Variants in OTP observed in about 807,000 individuals in gnomAD.
OTP encodes orthopedia homeobox.
In OTP, 5 loss-of-function variants were observed where a neutral mutation model predicts 22.3. The ratio of observed to expected loss-of-function variants is 0.22; its 90% CI spans 0.12 to 0.47. OTP has a LOEUF of 0.47. OTP is among the 20% of genes least tolerant of loss of function. The probability of loss-of-function intolerance (pLI) is 0.99; values close to 1 mark genes in which losing one functional copy is unlikely to be tolerated. For missense variants in OTP, 428 were observed against 456.2 expected (o/e 0.94, Z 0.56); for synonymous variants, 229 against 210.6 (o/e 1.09, Z -0.76).
chr5:77,637,981 A>T (rs993094200), intron 1 of OTP, among the ~76,000 whole-genome samples: 1 of 152,074 alleles, frequency 6.6e-6, no homozygotes, highest in Non-Finnish European at 1.5e-5. Flanking sequence ...CTTGCAGAAG[A>T]GGGGGGGATG....
Position 77,637,149 on chromosome 5 carries a change from C to T in OTP, c.119G>A (p.Gly40Asp). The T allele has an allele frequency of 1.9e-6, 3 of 1,591,252 alleles. No individual in the cohort carries two copies. Among genetic ancestry groups the T allele is most frequent in the East Asian group, 2.3e-5 (1 of 43,978 alleles). ...GTTGGGCGCCAGGTCCCCCGGATGGCCCCCGGGGTCGGAGCCCCCCACGCC... is the reference window on the plus strand; with the variant it reads ...GTTGGGCGCCAGGTCCCCCGGATGGTCCCCGGGGTCGGAGCCCCCCACGCC... ...RLGVGGSDPG[G>D]HPGDLAPNSD... Residue 40 changes from glycine to aspartate, a missense_variant, in exon 2 of 3, where the codon GGC becomes GAC. By Grantham distance (94) the Gly-to-Asp change is moderately conservative (BLOSUM62 -1). This residue lies in a region of OTP where 176 missense variants were observed against 162.9 expected (regional missense o/e 1.08). Coordinates refer to ENST00000306422, the MANE Select transcript of OTP (RefSeq NM_032109.3).
At chr5:77,630,918 C>A (rs1196790383) in intron 2 of OTP, 124 bp from the exon 3 acceptor site, 6 of 1,123,558 alleles carry the variant, frequency 5.3e-6, no homozygotes, top group Admixed American at 6.2e-5. Context: ...GGAACAAGTG[C>A]CGTAGGCCCG....
At position 77,637,146 on chromosome 5, in the gene OTP, T is replaced by A; in HGVS notation, c.122A>T (p.His41Leu). ...LGVGGSDPGG[H>L]PGDLAPNSDP... is the part of the protein sequence containing the mutation. ...AGAGTTGGGCGCCAGGTCCCCCGGA[T>A]GGCCCCCGGGGTCGGAGCCCCCCAC... is the stretch of plus-strand genomic sequence containing the variant. The change falls in exon 2 of 3, where the codon CAT becomes CTT. Residue 41 changes from histidine to leucine, a missense_variant. Physicochemically the swap from His to Leu is moderately conservative, Grantham distance 99. Transcript: ENST00000306422. 6.3e-7 allele frequency: 1 copy of A among 1,597,070 alleles called. No homozygotes were observed. The highest frequency in any genetic ancestry group is 8.5e-7 in the Non-Finnish European group (1 of 1,171,882).
At chr5:77,638,000 G>T (rs910035306) in intron 1 of OTP, among the ~76,000 whole-genome samples, 2 of 152,182 alleles carry the variant, frequency 1.3e-5, no homozygotes, top group Non-Finnish European at 2.9e-5. Flanking sequence ...TGACTGTGAG[G>T]TTGAATTTGG....
intron 2 of OTP, among the ~76,000 whole-genome samples, chr5:77,635,309 T>C (rs1457624733): frequency 1.3e-5 from 2 of 152,202 alleles, no homozygotes; most frequent in African/African-American, 4.8e-5. Flanking sequence ...ATGTAAAGGT[T>C]TAAACTCAAC....
At chr5:77,637,377 G>C in intron 1 of OTP, 147 bp from the exon 2 acceptor site, 5 of 1,000,240 alleles carry the variant, frequency 5.0e-6, no homozygotes, top group Non-Finnish European at 7.2e-6. Context: ...TATTCAGCTG[G>C]GTTCCCCAGA....
At position 77,630,636 on chromosome 5, in the gene OTP, G is replaced by A; in HGVS notation, c.606C>T (p.Phe202=). ...CCGCCCAGCGGGTGTCGTTGGCGTG[G>A]AAAGAGCACAGGCTGTCGCCCATGG... ...AAAMGDSLCS[F]HANDTRWAAA... is the part of the protein sequence containing the mutation. Residue 202 remains phenylalanine, a synonymous_variant, in exon 3 of 3, where the codon TTC becomes TTT. Transcript: ENST00000306422. 1 of 1,567,990 alleles carries A rather than the reference G, an allele frequency of 6.4e-7. No individual in the cohort carries two copies. The highest frequency in any genetic ancestry group is 8.6e-7 in the Non-Finnish European group (1 of 1,164,552).
chr5:77,635,491 T>C (rs1342314028), intron 2 of OTP, among the ~76,000 whole-genome samples: 1 of 152,246 alleles, frequency 6.6e-6, no homozygotes, highest in Non-Finnish European at 1.5e-5. Context: ...CTAATCATTA[T>C]GTTAATCAAC....
chr5:77,637,417 C>A (rs1025354718), intron 1 of OTP, among the ~76,000 whole-genome samples, 187 bp from the exon 2 acceptor site: 1 of 152,230 alleles, frequency 6.6e-6, no homozygotes, highest in Non-Finnish European at 1.5e-5. Flanking sequence ...AATAATATCT[C>A]CCGGCCCCTT....
chr5:77,636,321 C>T (rs1745005747), intron 2 of OTP: 1 of 153,374 alleles, frequency 6.5e-6, no homozygotes, highest in African/African-American at 2.4e-5. Context: ...GGTAATAAAG[C>T]CACGCCGTGA....
At chr5:77,637,401 G>A (rs898475552) in intron 1 of OTP, among the ~76,000 whole-genome samples, 171 bp from the exon 2 acceptor site, 6 of 152,226 alleles carry the variant, frequency 3.9e-5, no homozygotes, top group African/African-American at 1.4e-4. Flanking sequence ...TGGACAGCCG[G>A]GTTGGAATAA....
chr5:77,632,959 G>T (rs1022748811), intron 2 of OTP, among the ~76,000 whole-genome samples: 1 of 152,174 alleles, frequency 6.6e-6, no homozygotes, highest in African/African-American at 2.4e-5. Flanking sequence ...CCCACCCAAG[G>T]CTGGACTCGG....
rs1744891377 is a variant in OTP at position 77,629,763 on chromosome 5, T to G, written c.*501A>C. 1 of 157,424 alleles carries G rather than the reference T, an allele frequency of 6.4e-6. No homozygotes were observed. The highest frequency in any genetic ancestry group is 2.4e-5 in the African/African-American group (1 of 41,414). 9.8% of individuals were successfully genotyped at this position (157,424 alleles called of 1,614,324 possible). On this transcript the variant is annotated 3_prime_UTR_variant, in exon 3 of 3. Transcript: ENST00000306422. ...TTCAGATCCTGAGTCGACTCCCTGG[T>G]ACGTAAAATGGCGGGAAGGATACTT...
intron 2 of OTP, 136 bp downstream of exon 2, chr5:77,636,685 T>C (rs1745012414): frequency 2.5e-6 from 2 of 811,494 alleles, no homozygotes; most frequent in Non-Finnish European, 3.8e-6. Context: ...GAGAAGGAGA[T>C]AACTCGATAC....
rs757048968 is a variant in OTP, at chr5:77,637,249, C to T, written c.38-19G>A. ...TTCATACCTGAGGAGGCAAGGGGAT[C>T]GCGGTCACTACTTTCTTGGCGATGC... On this transcript the variant is annotated intron_variant, in intron 1 of 2. Coordinates refer to ENST00000306422, the MANE Select transcript of OTP (RefSeq NM_032109.3). 3 of 1,473,064 alleles carry T rather than the reference C, an allele frequency of 2.0e-6. No homozygotes were observed. The South Asian group carries it at 4.3e-5, about 21-fold the overall frequency. The allele number at this position is 1,473,064 out of a possible 1,614,324, so 91.2% of individuals were successfully genotyped here.
chr5:77,636,591 C>T (rs1304982341), intron 2 of OTP: 2 of 454,502 alleles, frequency 4.4e-6, no homozygotes, highest in Non-Finnish European at 7.7e-6. Flanking sequence ...TTTTGAGGAG[C>T]TTCTTCCGGG....
At position 77,637,093 on chromosome 5, in the gene OTP, G is replaced by A. The variant is rs1369306959; in HGVS notation, c.175C>T (p.Pro59Ser). 1.2e-6 allele frequency: 2 copies of A among 1,613,078 alleles called. No individual in the cohort carries two copies. Among genetic ancestry groups the A allele is most frequent in the East Asian group, 2.2e-5 (1 of 44,858 alleles). ...SDPVEGATLL[P>S]GEDITTVGST... Reference sequence around the variant, plus strand: ...CCCACTGTGGTGATGTCCTCCCCGGGCAGCAGAGTGGCTCCCTCCACTGGG... The same window carrying A: ...CCCACTGTGGTGATGTCCTCCCCGGACAGCAGAGTGGCTCCCTCCACTGGG... Residue 59 changes from proline to serine, a missense_variant, in exon 2 of 3, where the codon CCC (proline) becomes TCC (serine). Around this residue, in one of 3 missense-constraint regions of OTP, gnomAD observed 176 missense variants for 162.9 expected, o/e 1.08. Coordinates refer to ENST00000306422, the MANE Select transcript of OTP (RefSeq NM_032109.3).
At position 77,636,914 on chromosome 5, in the gene OTP, C is replaced by G. The variant is rs1745015701; in HGVS notation, c.354G>C (p.Glu118Asp). The G allele has an allele frequency of 6.2e-7, 1 of 1,614,108 alleles. No homozygotes were observed. The highest frequency in any genetic ancestry group is 1.3e-5 in the African/African-American group (1 of 74,954). ...GAGTCTTGGCGAAGCTCCTCTCCAACTCGTTGAGCTGTGCGGGGGTGAAGC... is the reference window on the plus strand; with the variant it reads ...GAGTCTTGGCGAAGCTCCTCTCCAAGTCGTTGAGCTGTGCGGGGGTGAAGC... ...RTRFTPAQLN[E>D]LERSFAKTHY... The change falls in exon 2 of 3, where the codon GAG becomes GAC. Residue 118 changes from glutamate (E) to aspartate (D), a missense_variant. Transcript: ENST00000306422.
rs372530849 is a variant in OTP, at chr5:77,629,886, G to A, written c.*378C>T. On this transcript the variant is annotated 3_prime_UTR_variant, in exon 3 of 3. Transcript: ENST00000306422. ...GGGTCGTAGGCGTCGCGTCGAAGGT[G>A]TGGGTGGGAACGCCGCCCGTCAGAA... The A allele has an allele frequency of 2.2e-5, 4 of 179,284 alleles. No homozygotes were observed. The East Asian group carries it at 4.2e-4, about 19-fold the overall frequency. The allele number at this position is 179,284 out of a possible 1,614,324, so 11.1% of individuals were successfully genotyped here.
Sources: gnomAD v4.1 joint callset for allele counts (sites outside exome capture counted in the v4.1 genomes callset) on GRCh38, gnomAD v4.1.1 for gene constraint, gnomAD v4.1.1 regional missense constraint, MANE v1.5 for transcripts, NCBI Gene and HGNC (gene_info 2026-07-23, HGNC 2026-07-21) for gene names.